The following ZNF423 variants were observed in gnomAD, a reference collection of about 807,000 sequenced individuals.
ZNF423 encodes Ebf-associated zinc finger protein.
In ZNF423, 12 loss-of-function variants were observed where a neutral mutation model predicts 95.8. The observed-to-expected ratio is 0.13, with a 90% CI of 0.08 to 0.20. ZNF423 has a LOEUF of 0.20. ZNF423 is among the 10% of genes least tolerant of loss of function. The probability of loss-of-function intolerance (pLI) is 1.00; values close to 1 mark genes in which losing one functional copy is unlikely to be tolerated. For synonymous variants in ZNF423, 749 were observed against 711.9 expected (o/e 1.05, Z -0.83); for missense variants, 1,316 against 1,737.1 (o/e 0.76, Z 4.31).
intron 5 of ZNF423, among the ~76,000 whole-genome samples, chr16:49,564,084 T>G (rs181067547): frequency 6.6e-6 from 1 of 152,230 alleles, no homozygotes; most frequent in South Asian, 2.1e-4. Context: ...CTGCAGCTGA[T>G]GGACTGCACA....
chr16:49,534,115 G>A (rs1597065177), intron 5 of ZNF423, among the ~76,000 whole-genome samples: 2 of 152,192 alleles, frequency 1.3e-5, no homozygotes, highest in Admixed American at 1.3e-4. Flanking sequence ...GCCAGCCTGG[G>A]TGATGGAGGG....
chr16:49,607,490 C>T (rs13331740), intron 5 of ZNF423, among the ~76,000 whole-genome samples: 33,900 of 151,906 alleles, frequency 0.22, 4,207 homozygotes, highest in African/African-American at 0.34. Flanking sequence ...ATCACCAAAA[C>T]TGAAGAAGCT....
chr16:49,656,072 C>T (rs1212440560), intron 3 of ZNF423, among the ~76,000 whole-genome samples: 1 of 151,666 alleles, frequency 6.6e-6, no homozygotes, highest in East Asian at 1.9e-4. Context: ...TCCAGTCCTC[C>T]ATCCCATCTA....
chr16:49,717,091 C>G (rs1235533686), intron 3 of ZNF423, among the ~76,000 whole-genome samples: 2 of 152,104 alleles, frequency 1.3e-5, no homozygotes, highest in African/African-American at 4.8e-5. Context: ...TCTCACCAAC[C>G]AAAACATCAC....
chr16:49,675,208 T>C (rs1220022034), intron 3 of ZNF423, among the ~76,000 whole-genome samples: 1 of 152,168 alleles, frequency 6.6e-6, no homozygotes, highest in African/African-American at 2.4e-5. Flanking sequence ...CCTCTAGCTG[T>C]TGACTCACTC....
Position 49,487,865 on chromosome 16 carries a change from T to C in ZNF423, c.*3410A>G, listed in dbSNP as rs1398947766. 6.6e-6 allele frequency: 1 copy of C among 152,264 alleles called. No homozygotes were observed. The highest frequency in any genetic ancestry group is 1.5e-5 in the Non-Finnish European group (1 of 68,054). The allele number at this position is 152,264 out of a possible 1,614,324, so 9.4% of individuals were successfully genotyped here. A position where few individuals can be genotyped will look rare whatever the true frequency, so the allele number is the denominator to read the frequency against. The stretch of plus-strand genomic sequence containing the variant: ...TCAAGCCCCTGCCTCAGCAAGGCCT[T>C]CCTTAATGCACCCCTGTGTCTCATA... On this transcript the variant is annotated 3_prime_UTR_variant, in exon 8 of 8. Coordinates refer to ENST00000563137, the MANE Select transcript of ZNF423 (RefSeq NM_001379286.1).
At chr16:49,760,718 A>G (rs1373259207) in intron 2 of ZNF423, among the ~76,000 whole-genome samples, 2 of 152,070 alleles carry the variant, frequency 1.3e-5, no homozygotes, top group African/African-American at 4.8e-5. Context: ...AGGGCTTCCC[A>G]GAGGAGGGGA....
intron 5 of ZNF423, among the ~76,000 whole-genome samples, chr16:49,602,340 G>A (rs149382232): frequency 3.5e-4 from 54 of 152,318 alleles, no homozygotes; most frequent in African/African-American, 1.2e-3. Flanking sequence ...GGTGTGAGGA[G>A]GCCCTCCTCA....
chr16:49,856,192 G>T (rs1299261295), upstream of ZNF423: 8 of 94,520 alleles, frequency 8.5e-5, no homozygotes, highest in Admixed American at 1.1e-4. Flanking sequence ...GGCCCCTGCG[G>T]CCCCCTCCTT....
intron 2 of ZNF423, among the ~76,000 whole-genome samples, chr16:49,767,624 G>A (rs1172504369): frequency 6.6e-6 from 1 of 152,206 alleles, no homozygotes; most frequent in East Asian, 1.9e-4. Flanking sequence ...GGCATGCGCA[G>A]TCAGAAGTCA....
At chr16:49,563,180 G>C (rs531675437) in intron 5 of ZNF423, among the ~76,000 whole-genome samples, 1 of 152,244 alleles carries the variant, frequency 6.6e-6, no homozygotes, top group East Asian at 1.9e-4. Flanking sequence ...CGTGTTGGGA[G>C]CTGGGATCCA....
In ZNF423 at chr16:49,491,329, C is replaced by A. The variant is rs745926866; in HGVS notation, c.3850-25G>T. 4 of 1,613,858 alleles carry A rather than the reference C, an allele frequency of 2.5e-6. No individual in the cohort carries two copies. The Admixed American group carries it at 6.7e-5, about 27-fold the overall frequency. On this transcript the variant is annotated intron_variant, in intron 7 of 7. Transcript: ENST00000563137. ...TCTGCAAAGGCGAAGAAAGGAGACACACATGAAGGAGAAGAATGGAGAGCA... is the reference window on the plus strand; with the variant it reads ...TCTGCAAAGGCGAAGAAAGGAGACAAACATGAAGGAGAAGAATGGAGAGCA...
chr16:49,679,036 G>A (rs538270264), intron 3 of ZNF423, among the ~76,000 whole-genome samples: 3 of 152,290 alleles, frequency 2.0e-5, no homozygotes, highest in South Asian at 4.1e-4. Context: ...GCACACTCCC[G>A]GGCTCAAGGG....
chr16:49,536,533 T>C (rs9930568), intron 5 of ZNF423, among the ~76,000 whole-genome samples: 22,808 of 150,804 alleles, frequency 0.15, 2,990 homozygotes, highest in African/African-American at 0.36. Flanking sequence ...GCTTCAAACT[T>C]CTGGGCTCAA....
intron 7 of ZNF423, among the ~76,000 whole-genome samples, chr16:49,515,329 T>C (rs899436734): frequency 2.0e-5 from 3 of 152,256 alleles, no homozygotes; most frequent in South Asian, 2.1e-4. Context: ...GCCCAACTAC[T>C]AAAATAGTTT....
chr16:49,537,241 G>A (rs1969084458), intron 5 of ZNF423, among the ~76,000 whole-genome samples: 1 of 152,202 alleles, frequency 6.6e-6, no homozygotes, highest in African/African-American at 2.4e-5. Context: ...CAAGTCATAT[G>A]GTGGATCAAT....
In ZNF423 at chr16:49,525,614, G is replaced by T. The variant is rs1015553677; in HGVS notation, c.3602-120C>A. ...CCTCCAATCCCCAGCACCGGGGCTG[G>T]TGAAGGGACTGCAGACACCAAGACT... On this transcript the variant is annotated intron_variant, in intron 5 of 7. Coordinates refer to ENST00000563137, the MANE Select transcript of ZNF423 (RefSeq NM_001379286.1). 35 of 1,425,344 alleles carry T rather than the reference G, an allele frequency of 2.5e-5. No homozygotes were observed. The Admixed American group carries it at 6.6e-4, about 27-fold the overall frequency. 88.3% of individuals were successfully genotyped at this position (1,425,344 alleles called of 1,614,324 possible).
At chr16:49,769,464 C>G (rs963961588) in intron 2 of ZNF423, among the ~76,000 whole-genome samples, 1 of 152,086 alleles carries the variant, frequency 6.6e-6, no homozygotes, top group Admixed American at 6.5e-5. Flanking sequence ...CTCCCAACCC[C>G]ATAAGCTTGC....
intron 2 of ZNF423, among the ~76,000 whole-genome samples, chr16:49,750,394 TG>T (rs2033611879): frequency 6.6e-6 from 1 of 151,958 alleles, no homozygotes; most frequent in Admixed American, 6.6e-5. Context: ...GGATCCCAGG[TG>T]GGGGAAGTGG....
Sources: allele counts gnomAD v4.1 joint callset (sites outside exome capture counted in the v4.1 genomes callset), GRCh38; gene constraint gnomAD v4.1.1; transcripts MANE v1.5; gene names NCBI Gene and HGNC (gene_info 2026-07-23, HGNC 2026-07-21).